Variants in HMGA2 observed in about 807,000 individuals in gnomAD.
HMGA2 encodes the protein high mobility group AT-hook 2.
HMGA2 carries 8 observed loss-of-function variants against 19.1 expected under a neutral mutation model. The ratio of observed to expected loss-of-function variants is 0.42; its 90% CI spans 0.25 to 0.76. The LOEUF (loss-of-function observed/expected upper bound fraction) is 0.76. Ranked by LOEUF, HMGA2 falls within the 30% of genes least tolerant of loss-of-function variation. HMGA2 has a pLI of 0.28. For missense variants in HMGA2, 109 were observed against 136.3 expected, an observed-to-expected ratio of 0.80 and a Z score of 1.00; for synonymous variants, 60 against 48.8, an observed-to-expected ratio of 1.23 and a Z score of -0.96.
intron 3 of HMGA2, chr12:65,860,088 T>C: frequency 2.3e-6 from 1 of 439,354 alleles, no homozygotes; most frequent in Non-Finnish European, 4.6e-6. Context: ...CAAGACTCTG[T>C]CTGAAAAGAA....
At chr12:65,839,039 C>T (rs375277537) in intron 3 of HMGA2, among the ~76,000 whole-genome samples, 1 of 114,166 alleles carries the variant, frequency 8.8e-6, no homozygotes, top group African/African-American at 5.1e-5. Context: ...TGTTTGGACA[C>T]ATCTCATTTT....
intron 4 of HMGA2, chr12:65,956,632 A>G (rs1365777092): frequency 2.0e-5 from 3 of 152,236 alleles, no homozygotes; most frequent in Non-Finnish European, 2.9e-5. Context: ...AAGAACATCA[A>G]TCAATTTAGG....
Position 65,828,053 on chromosome 12 carries a change from G to A in HMGA2, c.164G>A (p.Ser55Asn). ...PKRPRGRPKG[S>N]KNKSPSKAAQ... ...AGACCCAGGGGAAGACCCAAAGGCA[G>A]CAAAAACAAGAGTCCCTCTAAAGCA... The change falls in exon 2 of 5, where the codon AGC becomes AAC. Residue 55 changes from serine (S) to asparagine (N), a missense_variant. Ser to Asn is a conservative substitution (Grantham distance 46). Coordinates refer to ENST00000403681, the MANE Select transcript of HMGA2 (RefSeq NM_003483.6). 6.2e-7 allele frequency: 1 copy of A among 1,613,780 alleles called. No individual in the cohort carries two copies. The highest frequency in any genetic ancestry group is 8.5e-7 in the Non-Finnish European group (1 of 1,179,832).
At position 65,965,019 on chromosome 12, in the gene HMGA2, A is replaced by G. The variant is rs907198773; in HGVS notation, c.*1727A>G. On this transcript the variant is annotated 3_prime_UTR_variant, in exon 5 of 5. Coordinates refer to ENST00000403681, the MANE Select transcript of HMGA2 (RefSeq NM_003483.6). ...CTTGCAGCATTCATTTGTTTTTTCA[A>G]TGTTTGAAATAGTTCAAACTGCAGC... 44 of 188,028 alleles carry G rather than the reference A, an allele frequency of 2.3e-4. No individual in the cohort carries two copies. Among genetic ancestry groups the G allele is most frequent in the South Asian group, 2.0e-4 (1 of 5,122 alleles). The allele number at this position is 188,028 out of a possible 1,614,324, so 11.6% of individuals were successfully genotyped here.
rs1482573719 is a variant in HMGA2 at position 65,824,719 on chromosome 12, C to CTCTCTCTG, written c.-545_-544insGTCTCTCT. On this transcript the variant is annotated 5_prime_UTR_variant, in exon 1 of 5. Coordinates refer to ENST00000403681, the MANE Select transcript of HMGA2 (RefSeq NM_003483.6). ...CACTTTCAATCTCAATCTCTTCTCT[C>CTCTCTCTG]TCTCTCTCTCTCTCTCTCTCTCTCT... 66 of 70,558 alleles carry CTCTCTCTG rather than the reference C, an allele frequency of 9.4e-4. 1 individual carries two copies. Among genetic ancestry groups the CTCTCTCTG allele is most frequent in the African/African-American group, 3.1e-3 (63 of 20,474 alleles). The allele number at this position is 70,558 out of a possible 1,614,324, so 4.4% of individuals were successfully genotyped here. A position where few individuals can be genotyped will look rare whatever the true frequency, so the allele number is the denominator to read the frequency against.
At chr12:65,877,530 T>C (rs113773598) in intron 3 of HMGA2, among the ~76,000 whole-genome samples, 33 of 152,314 alleles carry the variant, frequency 2.2e-4, no homozygotes, top group African/African-American at 7.5e-4. Context: ...TGATGTGAGC[T>C]GGTCTCTCCA....
chr12:65,893,197 T>A (rs932178969), intron 3 of HMGA2, among the ~76,000 whole-genome samples: 41 of 152,136 alleles, frequency 2.7e-4, no homozygotes, highest in African/African-American at 9.7e-4. Flanking sequence ...CGAATTGCTG[T>A]TAGTACAGGA....
chr12:65,850,870 A>G (rs772917218), intron 3 of HMGA2, among the ~76,000 whole-genome samples: 6 of 152,200 alleles, frequency 3.9e-5, no homozygotes, highest in Non-Finnish European at 7.3e-5. Flanking sequence ...CATCCTTGAC[A>G]GTGGTGTACA....
intron 3 of HMGA2, among the ~76,000 whole-genome samples, chr12:65,946,904 T>C (rs781092511): frequency 7.2e-5 from 11 of 152,224 alleles, no homozygotes. Context: ...CTTTTGCTTA[T>C]CTTCTACAGT....
chr12:65,881,173 C>T (rs557004381), intron 3 of HMGA2: 1 of 154,640 alleles, frequency 6.5e-6, no homozygotes, highest in African/African-American at 2.4e-5. Flanking sequence ...ACACTTTGCC[C>T]CCAAAGTGGA....
chr12:65,928,183 T>C (rs2121259718), intron 3 of HMGA2, among the ~76,000 whole-genome samples: 1 of 152,244 alleles, frequency 6.6e-6, no homozygotes, highest in East Asian at 1.9e-4. Context: ...GCTACAAACC[T>C]GTACAGCATG....
intron 3 of HMGA2, among the ~76,000 whole-genome samples, chr12:65,901,921 A>G (rs1874388632): frequency 6.6e-6 from 1 of 152,196 alleles, no homozygotes. Flanking sequence ...CACCAACTTA[A>G]TATTCTGAAG....
intron 3 of HMGA2, among the ~76,000 whole-genome samples, chr12:65,847,074 C>A (rs1018575672): frequency 6.6e-6 from 1 of 152,076 alleles, no homozygotes; most frequent in Admixed American, 6.5e-5. Flanking sequence ...TATATGTATA[C>A]ATACATACTA....
At chr12:65,830,291 T>C (rs1379294540) in intron 2 of HMGA2, among the ~76,000 whole-genome samples, 3 of 152,000 alleles carry the variant, frequency 2.0e-5, no homozygotes, top group Non-Finnish European at 4.4e-5. Flanking sequence ...TCTATATAAA[T>C]ATGATTTTCA....
chr12:65,859,873 C>T lies in HMGA2; in HGVS notation c.249+21304C>T, dbSNP rs1317290147. On this transcript the variant is annotated intron_variant, in intron 3 of 4. Coordinates refer to ENST00000403681, the MANE Select transcript of HMGA2 (RefSeq NM_003483.6). The stretch of plus-strand genomic sequence containing the variant: ...CTGAGATGGGAGGATTGCTTGAGCC[C>T]AGGAGTTTGAGACCAGCCTGGGCAA... 1.4e-5 allele frequency: 3 copies of T among 214,120 alleles called. No individual in the cohort carries two copies. The South Asian group carries it at 1.9e-4, about 14-fold the overall frequency. 13.3% of individuals were successfully genotyped at this position (214,120 alleles called of 1,614,324 possible).
At chr12:65,888,115 G>A (rs1166157848) in intron 3 of HMGA2, among the ~76,000 whole-genome samples, 1 of 152,032 alleles carries the variant, frequency 6.6e-6, no homozygotes, top group Admixed American at 6.5e-5. Flanking sequence ...TGGGAACATA[G>A]GATATAGTTT....
At chr12:65,838,431 A>T (rs1242274715) in intron 2 of HMGA2, 88 bp from the exon 3 acceptor site, 8 of 1,006,210 alleles carry the variant, frequency 8.0e-6, no homozygotes, top group African/African-American at 3.3e-5. Flanking sequence ...GCAAAGCAGA[A>T]CATTCTTACT....
Position 65,849,736 on chromosome 12 carries a change from A to ATTTTT in HMGA2, c.249+11187_249+11191dup, listed in dbSNP as rs34541445. On this transcript the variant is annotated intron_variant, in intron 3 of 4. Coordinates refer to ENST00000403681, the MANE Select transcript of HMGA2 (RefSeq NM_003483.6). Reference sequence around the variant, plus strand: ...AAACCAAGACAATGGTAGGCTCTGTATTTTTTTTTTTTTTTTTTTTTTTTG... The same window carrying ATTTTT: ...AAACCAAGACAATGGTAGGCTCTGTATTTTTTTTTTTTTTTTTTTTTTTTTTTTTG... Among the ~76,000 whole-genome samples, 464 of 85,086 alleles carry ATTTTT rather than the reference A, an allele frequency of 5.5e-3. 53 individuals carry two copies. The highest frequency in any genetic ancestry group is 0.023 in the African/African-American group (428 of 18,494). 55.8% of individuals were successfully genotyped at this position (85,086 alleles called of 152,430 possible).
intron 4 of HMGA2, among the ~76,000 whole-genome samples, chr12:65,961,333 C>T (rs933619097): frequency 6.6e-6 from 1 of 152,172 alleles, no homozygotes; most frequent in Non-Finnish European, 1.5e-5. Context: ...ATCTTTGGCT[C>T]GTCTCTCTTT....
Sources: gnomAD v4.1 joint callset for allele counts (sites outside exome capture counted in the v4.1 genomes callset) on GRCh38, gnomAD v4.1.1 for gene constraint, MANE v1.5 for transcripts, NCBI Gene and HGNC (gene_info 2026-07-23, HGNC 2026-07-21) for gene names.